The following SPATA6 variants were observed in gnomAD, a reference collection of about 807,000 sequenced individuals.
The protein encoded by SPATA6 is spermatogenesis associated 6.
In SPATA6, 56 loss-of-function variants were observed where a neutral mutation model predicts 65.3. The observed-to-expected ratio is 0.86, with a 90% CI of 0.69 to 1.07. The LOEUF (loss-of-function observed/expected upper bound fraction) is 1.07, where lower values mean the gene tolerates loss of function less well. SPATA6 is among the 50% of genes least tolerant of loss of function. The probability of loss-of-function intolerance (pLI) is 0.00; values close to 1 mark genes in which losing one functional copy is unlikely to be tolerated. For synonymous variants in SPATA6, 199 were observed against 213.2 expected (o/e 0.93, Z 0.58); for missense variants, 590 against 594.8 (o/e 0.99, Z 0.08).
intron 11 of SPATA6, among the ~76,000 whole-genome samples, chr1:48,318,170 T>C (rs72891548): frequency 0.025 from 3,741 of 152,214 alleles, 96 homozygotes; most frequent in African/African-American, 0.067. Flanking sequence ...AAACATATAG[T>C]TAATAGCATA....
chr1:48,385,031 CA>C (rs1649310685), intron 9 of SPATA6, among the ~76,000 whole-genome samples: 1 of 152,090 alleles, frequency 6.6e-6, no homozygotes, highest in Admixed American at 6.5e-5. Context: ...CTGAATATAA[CA>C]ACTGATTTCT....
intron 12 of SPATA6, among the ~76,000 whole-genome samples, chr1:48,299,266 C>A (rs974221571): frequency 2.0e-5 from 3 of 152,010 alleles, no homozygotes; most frequent in Admixed American, 2.0e-4. Flanking sequence ...ATAATCCCAG[C>A]ACTTTGGGAG....
rs1651367781 is a variant in SPATA6 at position 48,403,408 on chromosome 1, C to T, written c.486+394G>A. Among the ~76,000 whole-genome samples, 7 of 152,232 alleles carry T rather than the reference C, an allele frequency of 4.6e-5. No homozygotes were observed. The South Asian group carries it at 1.5e-3, about 32-fold the overall frequency. ...TATCCCAGTCTGATAACTCTGGTAA[C>T]ATCTGCTTAAAAGGTATCCTTTGAA... is the stretch of plus-strand genomic sequence containing the variant. On this transcript the variant is annotated intron_variant, in intron 6 of 12. Coordinates refer to ENST00000371847, the MANE Select transcript of SPATA6 (RefSeq NM_019073.4).
chr1:48,452,746 A>AG (rs1656691039), intron 2 of SPATA6, among the ~76,000 whole-genome samples: 1 of 152,206 alleles, frequency 6.6e-6, no homozygotes, highest in Non-Finnish European at 1.5e-5. Context: ...TTAGAAATCA[A>AG]GATTCTATGT....
chr1:48,354,582 C>T (rs181973833), intron 11 of SPATA6, among the ~76,000 whole-genome samples: 1 of 152,088 alleles, frequency 6.6e-6, no homozygotes, highest in East Asian at 1.9e-4. Context: ...TGAACTACTG[C>T]TACACTGCCA....
At chr1:48,377,152 T>C (rs1438607696) in intron 9 of SPATA6, among the ~76,000 whole-genome samples, 1 of 152,176 alleles carries the variant, frequency 6.6e-6, no homozygotes, top group Admixed American at 6.5e-5. Context: ...CAGCATCCAC[T>C]CTTTTCTCAG....
chr1:48,428,486 C>T (rs1417758718), intron 3 of SPATA6, among the ~76,000 whole-genome samples: 1 of 151,950 alleles, frequency 6.6e-6, no homozygotes, highest in African/African-American at 2.4e-5. Context: ...ACATAGTCAA[C>T]ATGTTTTGTG....
At chr1:48,455,134 C>T (rs554784139) in intron 1 of SPATA6, among the ~76,000 whole-genome samples, 1 of 152,116 alleles carries the variant, frequency 6.6e-6, no homozygotes, top group Non-Finnish European at 1.5e-5. Context: ...AAACTAAAAT[C>T]GTCTTAGATT....
intron 9 of SPATA6, among the ~76,000 whole-genome samples, chr1:48,374,913 A>C (rs1035550061): frequency 6.6e-6 from 1 of 152,168 alleles, no homozygotes; most frequent in Non-Finnish European, 1.5e-5. Context: ...CAACACTAAG[A>C]CTGTCAAGGT....
chr1:48,436,466 G>C, intron 3 of SPATA6: 1 of 1,607,104 alleles, frequency 6.2e-7, no homozygotes, highest in Non-Finnish European at 8.5e-7. Context: ...ATTATCTTTG[G>C]AGCTGTGAGA....
the SPATA6 span, among the ~76,000 whole-genome samples, chr1:48,282,154 T>C: frequency 6.6e-6 from 1 of 152,118 alleles, no homozygotes; most frequent in Non-Finnish European, 1.5e-5. Context: ...AAACTGGATC[T>C]CTTCCTTACA....
the SPATA6 span, among the ~76,000 whole-genome samples, chr1:48,279,163 A>C: frequency 1.3e-5 from 2 of 152,206 alleles, no homozygotes; most frequent in Non-Finnish European, 2.9e-5. Context: ...GCCTGCCCTA[A>C]AAGAGCTCCT....
intron 11 of SPATA6, among the ~76,000 whole-genome samples, chr1:48,345,190 A>G (rs1646330098): frequency 6.6e-6 from 1 of 152,076 alleles, no homozygotes; most frequent in Admixed American, 6.6e-5. Flanking sequence ...AACACAACCC[A>G]TTCAAACAGA....
intron 11 of SPATA6, among the ~76,000 whole-genome samples, chr1:48,314,194 A>G (rs1272867221): frequency 6.6e-6 from 1 of 152,244 alleles, no homozygotes; most frequent in African/African-American, 2.4e-5. Flanking sequence ...AGCAGACCTA[A>G]TAGACATCTA....
At chr1:48,422,090 G>T (rs1389578410) in intron 3 of SPATA6, among the ~76,000 whole-genome samples, 1 of 152,124 alleles carries the variant, frequency 6.6e-6, no homozygotes, top group African/African-American at 2.4e-5. Context: ...CAGGCATAAT[G>T]GGGGGAAAGG....
intron 3 of SPATA6, among the ~76,000 whole-genome samples, chr1:48,433,219 G>T (rs1654569280): frequency 6.6e-6 from 1 of 152,010 alleles, no homozygotes. Flanking sequence ...GGTAATGGGT[G>T]CACAACATTA....
chr1:48,306,717 C>T (rs1449776091), intron 11 of SPATA6, among the ~76,000 whole-genome samples: 5 of 151,844 alleles, frequency 3.3e-5, no homozygotes, highest in South Asian at 2.1e-4. Flanking sequence ...CAGCTGAATG[C>T]ACATTGTGAA....
the SPATA6 span, among the ~76,000 whole-genome samples, chr1:48,278,483 T>G: frequency 1.0e-3 from 154 of 152,236 alleles, no homozygotes; most frequent in Non-Finnish European, 1.7e-3. Context: ...AGAGAACTGC[T>G]TAAAGGAGCT....
At chr1:48,415,192 G>A (rs1251541186) in intron 3 of SPATA6, among the ~76,000 whole-genome samples, 2 of 152,200 alleles carry the variant, frequency 1.3e-5, no homozygotes, top group Admixed American at 1.3e-4. Context: ...GAAATGATTA[G>A]TCTTGGCTAC....
Sources: allele counts gnomAD v4.1 joint callset (sites outside exome capture counted in the v4.1 genomes callset), GRCh38; gene constraint gnomAD v4.1.1; transcripts MANE v1.5; gene names NCBI Gene and HGNC (gene_info 2026-07-23, HGNC 2026-07-21).